Variants in IFT140 observed in about 807,000 individuals in gnomAD.
IFT140 encodes the protein intraflagellar transport 140.
A neutral mutation model predicts 164.6 loss-of-function variants in IFT140; 133 were observed. That is an observed-to-expected ratio of 0.81 (90% CI 0.70 to 0.93). IFT140 has a LOEUF of 0.93. Among genes scored for constraint, IFT140 ranks in the 40% least tolerant of loss-of-function variants. The probability of loss-of-function intolerance (pLI) is 0.00; values close to 1 mark genes in which losing one functional copy is unlikely to be tolerated. For synonymous variants in IFT140, 860 were observed against 817.3 expected (o/e 1.05, Z -0.89); for missense variants, 2,045 against 1,972.3 (o/e 1.04, Z -0.70).
chr16:1,523,466 C>G, intron 26 of IFT140, 52 bp downstream of exon 26: 1 of 1,570,238 alleles, frequency 6.4e-7, no homozygotes, highest in Non-Finnish European at 8.6e-7. Flanking sequence ...GACAGGAGAC[C>G]TGAGCCGTGG....
chr16:1,607,287 A>C lies in IFT140; in HGVS notation c.-21T>G. The C allele has an allele frequency of 6.3e-7, 1 of 1,599,480 alleles. No homozygotes were observed. Among genetic ancestry groups the C allele is most frequent in the Non-Finnish European group, 8.5e-7 (1 of 1,174,154 alleles). Reference sequence around the variant, plus strand: ...GCCATGACGGAACTCAGGCCTCCTCAGCGCTGAAACCTGCAGGGAAAAAAA... The same window carrying C: ...GCCATGACGGAACTCAGGCCTCCTCCGCGCTGAAACCTGCAGGGAAAAAAA... On this transcript the variant is annotated 5_prime_UTR_variant, in exon 3 of 31. Coordinates refer to ENST00000426508, the MANE Select transcript of IFT140 (RefSeq NM_014714.4).
chr16:1,596,122 A>G (rs2141964625), intron 4 of IFT140, among the ~76,000 whole-genome samples: 1 of 152,272 alleles, frequency 6.6e-6, no homozygotes, highest in African/African-American at 2.4e-5. Flanking sequence ...AATTTTTAAA[A>G]AATATTTTAA....
intron 30 of IFT140, chr16:1,514,341 G>T (rs907130294): frequency 6.6e-6 from 1 of 151,978 alleles, no homozygotes; most frequent in African/African-American, 2.4e-5. Context: ...CTGCACTCCA[G>T]CCTGGGCGAT....
intron 7 of IFT140, among the ~76,000 whole-genome samples, chr16:1,589,330 G>A (rs981749582): frequency 1.3e-5 from 2 of 152,180 alleles, no homozygotes; most frequent in African/African-American, 2.4e-5. Flanking sequence ...CCCAGGTCAT[G>A]AGGGGTGCAG....
At chr16:1,534,550 T>C in intron 19 of IFT140, 1 of 1,602,766 alleles carries the variant, frequency 6.2e-7, no homozygotes, top group Non-Finnish European at 8.5e-7. Context: ...CGAGGCACCG[T>C]CAAACGTAAG....
At chr16:1,580,919 A>T in intron 12 of IFT140, 69 bp from the exon 13 acceptor site, 1 of 993,636 alleles carries the variant, frequency 1.0e-6, no homozygotes, top group Non-Finnish European at 1.6e-6. Context: ...TTTCAGGAGC[A>T]TTCCCACACA....
intron 12 of IFT140, among the ~76,000 whole-genome samples, chr16:1,581,059 C>T (rs960884007): frequency 3.9e-5 from 6 of 152,160 alleles, no homozygotes; most frequent in Non-Finnish European, 8.8e-5. Context: ...GCAGTGCGTG[C>T]GGGTCCTGGG....
chr16:1,572,811 C>T (rs1481551818), intron 13 of IFT140, among the ~76,000 whole-genome samples: 1 of 152,232 alleles, frequency 6.6e-6, no homozygotes, highest in East Asian at 1.9e-4. Flanking sequence ...TGAATGCCTA[C>T]ACCCTGCCCA....
rs557586568 is a variant in IFT140 at position 1,518,355 on chromosome 16, G to A, written c.4043C>T (p.Thr1348Met). 30 of 1,613,220 alleles carry A rather than the reference G, an allele frequency of 1.9e-5. No individual in the cohort carries two copies. Among genetic ancestry groups the A allele is most frequent in the African/African-American group, 9.3e-5 (7 of 75,014 alleles). ...GGACTCCTTGGGGTCCTCTGTGTAC[G>A]TCCTGCCGAGAGCAGAGATGAGGCC... ...LVKRFIQARR[T>M]YTEDPKESIK... The change falls in exon 30 of 31, where the codon ACG becomes ATG. Residue 1348 changes from threonine (T) to methionine (M), a missense_variant and splice_region_variant. Transcript: ENST00000426508.
chr16:1,574,847 T>C (rs113499079), intron 13 of IFT140, among the ~76,000 whole-genome samples: 54 of 152,310 alleles, frequency 3.5e-4, no homozygotes, highest in Middle Eastern at 3.4e-3. Flanking sequence ...AGTTCTGGCC[T>C]AGGAAGCTGT....
At chr16:1,569,085 A>G (rs2033882829) in intron 14 of IFT140, among the ~76,000 whole-genome samples, 1 of 151,078 alleles carries the variant, frequency 6.6e-6, no homozygotes, top group African/African-American at 2.4e-5. Context: ...GCTCACTGCA[A>G]GCTCCGCCTC....
intron 15 of IFT140, among the ~76,000 whole-genome samples, chr16:1,567,997 G>A (rs921388305): frequency 2.6e-5 from 4 of 152,210 alleles, no homozygotes; most frequent in Non-Finnish European, 5.9e-5. Context: ...ATGGCAGGTC[G>A]GGGAGGAACA....
chr16:1,568,916 G>A (rs1385433100), intron 14 of IFT140, among the ~76,000 whole-genome samples: 1 of 152,090 alleles, frequency 6.6e-6, no homozygotes, highest in Non-Finnish European at 1.5e-5. Flanking sequence ...GACACACTGA[G>A]CTATTTAACT....
intron 19 of IFT140, chr16:1,527,093 G>C: frequency 2.3e-6 from 1 of 429,164 alleles, no homozygotes; most frequent in Non-Finnish European, 4.1e-6. Flanking sequence ...GCTCTAAGCG[G>C]CTGTCTGATC....
chr16:1,550,969 G>A (rs749464934), intron 19 of IFT140, among the ~76,000 whole-genome samples: 16 of 152,176 alleles, frequency 1.1e-4, no homozygotes, highest in Non-Finnish European at 1.8e-4. Flanking sequence ...CTGCCCCTCC[G>A]TGAGCATTCG....
At chr16:1,608,431 C>G (rs958592681) in intron 2 of IFT140, among the ~76,000 whole-genome samples, 2 of 151,742 alleles carry the variant, frequency 1.3e-5, no homozygotes, top group Non-Finnish European at 2.9e-5. Context: ...GAGTTCGAGA[C>G]CAGCCTGGGC....
intron 19 of IFT140, chr16:1,542,177 C>T: frequency 6.1e-6 from 8 of 1,301,154 alleles, no homozygotes; most frequent in Non-Finnish European, 6.1e-6. Context: ...GGGGAAGCTG[C>T]AGGCCATACC....
At chr16:1,591,210 C>T (rs554003506) in intron 6 of IFT140, among the ~76,000 whole-genome samples, 3 of 152,076 alleles carry the variant, frequency 2.0e-5, no homozygotes, top group Admixed American at 1.3e-4. Context: ...AGGTGACCAG[C>T]GCTTCTTCCT....
At chr16:1,571,376 GT>G (rs1567386024) in intron 14 of IFT140, 30 bp downstream of exon 14, 2 of 1,604,376 alleles carry the variant, frequency 1.2e-6, no homozygotes, top group Non-Finnish European at 1.7e-6. Flanking sequence ...CTAAAAAAAT[GT>G]TCACACTTCT....
Sources: allele counts gnomAD v4.1 joint callset (sites outside exome capture counted in the v4.1 genomes callset), GRCh38; gene constraint gnomAD v4.1.1; transcripts MANE v1.5; gene names NCBI Gene and HGNC (gene_info 2026-07-23, HGNC 2026-07-21).